PACS1: variants seen among roughly 807,000 people sequenced by gnomAD.
PACS1 encodes the protein phosphofurin acidic cluster sorting protein 1.
Under a neutral mutation model 115.0 loss-of-function variants are expected in PACS1, and 24 were observed. The observed-to-expected ratio is 0.21, with a 90% CI of 0.15 to 0.29. The LOEUF is 0.29. Ranked by LOEUF, PACS1 falls within the 10% of genes least tolerant of loss-of-function variation. The pLI is 1.00. For missense variants in PACS1, 838 were observed against 1,251.2 expected (o/e 0.67, Z 4.98); for synonymous variants, 453 against 504.5 (o/e 0.90, Z 1.37).
intron 22 of PACS1, among the ~76,000 whole-genome samples, chr11:66,242,563 C>T (rs1490767378): frequency 6.6e-6 from 1 of 152,246 alleles, no homozygotes; most frequent in African/African-American, 2.4e-5. Flanking sequence ...GCACTGGCTC[C>T]TGCATAGAGC....
intron 1 of PACS1, among the ~76,000 whole-genome samples, chr11:66,103,672 A>G (rs1450833918): frequency 6.6e-6 from 1 of 151,774 alleles, no homozygotes; most frequent in Non-Finnish European, 1.5e-5. Context: ...CACCACGCCC[A>G]GCTGATTTTT....
intron 21 of PACS1, chr11:66,241,181 G>A: frequency 2.1e-6 from 1 of 486,854 alleles, no homozygotes; most frequent in South Asian, 2.7e-5. Context: ...TGCTGCCCTT[G>A]TCATCCTGTG....
At chr11:66,086,035 T>C (rs910794297) in intron 1 of PACS1, among the ~76,000 whole-genome samples, 1 of 152,188 alleles carries the variant, frequency 6.6e-6, no homozygotes, top group Non-Finnish European at 1.5e-5. Context: ...TTCATAAAGT[T>C]CTACACAAAA....
intron 1 of PACS1, among the ~76,000 whole-genome samples, chr11:66,106,671 G>C (rs1311000035): frequency 2.0e-5 from 3 of 151,986 alleles, no homozygotes; most frequent in African/African-American, 4.8e-5. Context: ...TGGGAGGATC[G>C]CTTGAGCCCA....
chr11:66,168,838 T>C (rs1292285042), intron 1 of PACS1, among the ~76,000 whole-genome samples: 1 of 150,198 alleles, frequency 6.7e-6, no homozygotes, highest in Non-Finnish European at 1.5e-5. Context: ...TTGTTGCTGG[T>C]GTTTAGAAAT....
chr11:66,200,194 T>A (rs1854751163), intron 2 of PACS1, among the ~76,000 whole-genome samples: 1 of 151,584 alleles, frequency 6.6e-6, no homozygotes, highest in African/African-American at 2.4e-5. Flanking sequence ...TACAAATAAT[T>A]TGAAAAATTA....
chr11:66,146,591 T>G (rs1025170729), intron 1 of PACS1, among the ~76,000 whole-genome samples: 8 of 151,998 alleles, frequency 5.3e-5, no homozygotes, highest in Non-Finnish European at 1.0e-4. Flanking sequence ...TGTCACAGAC[T>G]CCTACAAGGA....
chr11:66,076,931 C>T (rs921278761), intron 1 of PACS1, among the ~76,000 whole-genome samples: 1 of 152,178 alleles, frequency 6.6e-6, no homozygotes, highest in African/African-American at 2.4e-5. Flanking sequence ...GAACTTCTTT[C>T]AGAGGGCCAT....
rs140207931 is a variant in PACS1 at position 66,126,039 on chromosome 11, C to CA, written c.356+55216dup. Among the ~76,000 whole-genome samples, 327 of 126,950 alleles carry CA rather than the reference C, an allele frequency of 2.6e-3. 1 individual carries two copies. Among genetic ancestry groups the CA allele is most frequent in the African/African-American group, 8.7e-3 (301 of 34,768 alleles). The allele number at this position is 126,950 out of a possible 152,430, so 83.3% of individuals were successfully genotyped here. On this transcript the variant is annotated intron_variant, in intron 1 of 23. Transcript: ENST00000320580. ...TGGGTGACAGAGCAAGACTCTGCCT[C>CA]AAAAAAAAAAAAAAAAAAATGTGGG... is the stretch of plus-strand genomic sequence containing the variant.
chr11:66,209,961 G>A (rs1855031702), intron 2 of PACS1, among the ~76,000 whole-genome samples: 1 of 151,152 alleles, frequency 6.6e-6, no homozygotes, highest in African/African-American at 2.4e-5. Context: ...TTTAGAAGTT[G>A]TTTGCAAACA....
intron 1 of PACS1, among the ~76,000 whole-genome samples, chr11:66,124,345 C>T (rs185746186): frequency 1.7e-4 from 26 of 152,328 alleles, no homozygotes; most frequent in Admixed American, 7.8e-4. Context: ...GGGCAAGTTA[C>T]TCAGCTTCTT....
Position 66,210,446 on chromosome 11 carries a change from C to T in PACS1, c.529C>T (p.Leu177Phe), listed in dbSNP as rs1196674628. Reference protein sequence around the residue: ...VETELQLTFSLQYPHFLKRDA... With the variant: ...VETELQLTFSFQYPHFLKRDA... ...AACAGAGCTCCAATTAACCTTCTCC[C>T]TTCAGGTGAGACTCTCCTAATCTTA... is the stretch of plus-strand genomic sequence containing the variant. The change falls in exon 3 of 24, where the codon CTT (leucine) becomes TTT (phenylalanine). Residue 177 changes from leucine (L) to phenylalanine (F), a missense_variant. Physicochemically the swap from Leu to Phe is conservative, Grantham distance 22. Coordinates refer to ENST00000320580, the MANE Select transcript of PACS1 (RefSeq NM_018026.4). The T allele has an allele frequency of 6.2e-7, 1 of 1,608,198 alleles. No homozygotes were observed. The highest frequency in any genetic ancestry group is 8.5e-7 in the Non-Finnish European group (1 of 1,174,552).
chr11:66,109,632 C>A (rs530459441), intron 1 of PACS1, among the ~76,000 whole-genome samples: 1 of 152,326 alleles, frequency 6.6e-6, no homozygotes, highest in South Asian at 2.1e-4. Context: ...TCTCCCCAGC[C>A]TTTATCTTCC....
chr11:66,111,753 G>T (rs960200055), intron 1 of PACS1, among the ~76,000 whole-genome samples: 2 of 152,222 alleles, frequency 1.3e-5, no homozygotes, highest in East Asian at 3.9e-4. Context: ...GGGTTCAAGT[G>T]ATTCTCCTGC....
chr11:66,188,680 A>G (rs1854444732), intron 1 of PACS1, among the ~76,000 whole-genome samples: 1 of 152,166 alleles, frequency 6.6e-6, no homozygotes, highest in Non-Finnish European at 1.5e-5. Context: ...GTAGCAGGAA[A>G]CCTGGGGTGG....
chr11:66,200,906 A>G (rs1854774963), intron 2 of PACS1, among the ~76,000 whole-genome samples: 1 of 151,938 alleles, frequency 6.6e-6, no homozygotes, highest in Non-Finnish European at 1.5e-5. Flanking sequence ...TTACAAAACA[A>G]GTCTTAAAAC....
intron 1 of PACS1, among the ~76,000 whole-genome samples, chr11:66,120,228 A>G (rs1163167678): frequency 6.7e-6 from 1 of 149,606 alleles, no homozygotes; most frequent in African/African-American, 2.5e-5. Flanking sequence ...GCTCACTGCA[A>G]CCTCTGCCCC....
At chr11:66,144,402 A>G (rs1430384256) in intron 1 of PACS1, among the ~76,000 whole-genome samples, 4 of 152,222 alleles carry the variant, frequency 2.6e-5, no homozygotes, top group Non-Finnish European at 5.9e-5. Context: ...TGTTATTTGT[A>G]CAAATATACA....
intron 1 of PACS1, among the ~76,000 whole-genome samples, chr11:66,099,973 T>C (rs1857876245): frequency 6.6e-6 from 1 of 152,064 alleles, no homozygotes; most frequent in African/African-American, 2.4e-5. Flanking sequence ...CTCCGCCTCC[T>C]GGGTTCAAGC....
Sources: allele counts gnomAD v4.1 joint callset (sites outside exome capture counted in the v4.1 genomes callset), GRCh38; gene constraint gnomAD v4.1.1; transcripts MANE v1.5; gene names NCBI Gene and HGNC (gene_info 2026-07-23, HGNC 2026-07-21).